NXPE2: variants seen among roughly 807,000 people sequenced by gnomAD.
The protein encoded by NXPE2 is NXPE family member 2.
A neutral mutation model predicts 34.4 loss-of-function variants in NXPE2; 34 were observed. That is an observed-to-expected ratio of 0.99 (90% CI 0.75 to 1.31). The LOEUF (loss-of-function observed/expected upper bound fraction) is 1.31. Among genes scored for constraint, NXPE2 ranks in the 40% most tolerant of loss-of-function variants. The pLI is 0.00. For synonymous variants in NXPE2, 235 were observed against 231.3 expected, an observed-to-expected ratio of 1.02 and a Z score of -0.15; for missense variants, 649 against 672.5, an observed-to-expected ratio of 0.97 and a Z score of 0.39.
At chr11:114,636,139 G>A in the NXPE2 span, among the ~76,000 whole-genome samples, 1 of 151,822 alleles carries the variant, frequency 6.6e-6, no homozygotes, top group Non-Finnish European at 1.5e-5. Flanking sequence ...CACAATTTCA[G>A]AGCCTGTTAT....
the NXPE2 span, among the ~76,000 whole-genome samples, chr11:114,467,778 T>C: frequency 6.6e-6 from 1 of 151,182 alleles, no homozygotes; most frequent in Non-Finnish European, 1.5e-5. Context: ...CTACAAAAAA[T>C]AAAAAAATTT....
the NXPE2 span, among the ~76,000 whole-genome samples, chr11:114,577,557 CTTAAAAA>C: frequency 3.3e-5 from 5 of 152,098 alleles, no homozygotes; most frequent in South Asian, 2.1e-4. Context: ...AAATAAAAAA[CTTAAAAA>C]TTAAAAAAGT....
At chr11:114,539,773 T>C in the NXPE2 span, among the ~76,000 whole-genome samples, 1 of 152,080 alleles carries the variant, frequency 6.6e-6, no homozygotes, top group Non-Finnish European at 1.5e-5. Flanking sequence ...ATCAGTCAAA[T>C]AAACCAATCA....
At chr11:114,582,730 T>C in the NXPE2 span, 1 of 1,614,184 alleles carries the variant, frequency 6.2e-7, no homozygotes, top group Non-Finnish European at 8.5e-7. Context: ...TATTGCTTCC[T>C]GCGTCCCAAG....
the NXPE2 span, among the ~76,000 whole-genome samples, chr11:114,599,597 G>A: frequency 6.6e-6 from 1 of 152,142 alleles, no homozygotes; most frequent in Middle Eastern, 3.2e-3. Flanking sequence ...GGCTATACAG[G>A]GAGCATGGTA....
the NXPE2 span, among the ~76,000 whole-genome samples, chr11:114,607,723 C>T: frequency 6.6e-6 from 1 of 151,964 alleles, no homozygotes; most frequent in Non-Finnish European, 1.5e-5. Flanking sequence ...ATTGTTGCCT[C>T]GTGGGTAACC....
the NXPE2 span, chr11:114,522,893 G>A: frequency 2.5e-6 from 4 of 1,611,284 alleles, no homozygotes; most frequent in African/African-American, 5.3e-5. Context: ...TACAACTTTG[G>A]GGAAGTAGTA....
the NXPE2 span, among the ~76,000 whole-genome samples, chr11:114,770,391 GCA>G: frequency 6.6e-6 from 1 of 152,348 alleles, no homozygotes; most frequent in Admixed American, 6.5e-5. Flanking sequence ...ATGTGTGTGT[GCA>G]CACACATGAT....
At chr11:114,768,571 T>C in the NXPE2 span, among the ~76,000 whole-genome samples, 1 of 152,224 alleles carries the variant, frequency 6.6e-6, no homozygotes, top group Non-Finnish European at 1.5e-5. Context: ...TTTGTTTGTG[T>C]CCTCTCTTAT....
At chr11:114,554,346 T>C in the NXPE2 span, 1 of 985,218 alleles carries the variant, frequency 1.0e-6, no homozygotes, top group Non-Finnish European at 1.2e-6. Flanking sequence ...TTCCTACTTG[T>C]GTAAATGAGA....
chr11:114,781,734 G>C, the NXPE2 span, among the ~76,000 whole-genome samples: 1 of 152,072 alleles, frequency 6.6e-6, no homozygotes, highest in Non-Finnish European at 1.5e-5. Flanking sequence ...TATAAATAAT[G>C]GTCCATGTCA....
chr11:114,497,647 G>T, the NXPE2 span, among the ~76,000 whole-genome samples: 1 of 152,148 alleles, frequency 6.6e-6, no homozygotes. Flanking sequence ...TGCCATCTAG[G>T]TTTGTGTAAG....
chr11:114,808,819 G>T, the NXPE2 span, among the ~76,000 whole-genome samples: 23 of 152,134 alleles, frequency 1.5e-4, no homozygotes, highest in Non-Finnish European at 2.6e-4. Flanking sequence ...CAGAAAAAGA[G>T]GGAATCCTGC....
the NXPE2 span, chr11:114,527,768 T>A: frequency 7.0e-4 from 704 of 1,000,846 alleles, 3 homozygotes; most frequent in African/African-American, 9.8e-3. Flanking sequence ...CCAGGAGAAC[T>A]ACAATTATTT....
At chr11:114,583,568 C>T in the NXPE2 span, 3 of 595,782 alleles carry the variant, frequency 5.0e-6, no homozygotes, top group Non-Finnish European at 1.0e-5. Flanking sequence ...ATTTGATGGC[C>T]TGTTTGACTT....
chr11:114,747,781 C>T, the NXPE2 span, among the ~76,000 whole-genome samples: 96 of 152,302 alleles, frequency 6.3e-4, no homozygotes, highest in Middle Eastern at 6.8e-3. Flanking sequence ...GGTGAGGACA[C>T]AGCGCCAAAC....
At chr11:114,668,558 CAGTT>C in the NXPE2 span, among the ~76,000 whole-genome samples, 2 of 152,018 alleles carry the variant, frequency 1.3e-5, no homozygotes, top group Admixed American at 6.6e-5. Context: ...GAGAAGAACT[CAGTT>C]AGAGTTCTCC....
the NXPE2 span, among the ~76,000 whole-genome samples, chr11:114,614,154 G>A: frequency 6.6e-6 from 1 of 150,758 alleles, no homozygotes; most frequent in Non-Finnish European, 1.5e-5. Flanking sequence ...GCTGCCTCAT[G>A]GGTACCAACT....
At chr11:114,798,785 C>A in the NXPE2 span, among the ~76,000 whole-genome samples, 1 of 152,188 alleles carries the variant, frequency 6.6e-6, no homozygotes, top group Non-Finnish European at 1.5e-5. Flanking sequence ...CTTTGTGTTG[C>A]TCTAGTCTTT....
Sources: allele counts gnomAD v4.1 joint callset (sites outside exome capture counted in the v4.1 genomes callset), GRCh38; gene constraint gnomAD v4.1.1; transcripts MANE v1.5; gene names NCBI Gene and HGNC (gene_info 2026-07-23, HGNC 2026-07-21).